LIMK1: variants seen among roughly 807,000 people sequenced by gnomAD.
The protein encoded by LIMK1 is LIM motif-containing protein kinase.
Under a neutral mutation model 77.6 loss-of-function variants are expected in LIMK1, and 21 were observed. The ratio of observed to expected loss-of-function variants is 0.27; its 90% confidence interval spans 0.19 to 0.39. The LOEUF (loss-of-function observed/expected upper bound fraction) is 0.39. LIMK1 is among the 10% of genes least tolerant of loss of function. The pLI, the probability that LIMK1 is intolerant of heterozygous loss-of-function variation, is 1.00. For synonymous variants in LIMK1, 358 were observed against 370.0 expected, an observed-to-expected ratio of 0.97 and a Z score of 0.37; for missense variants, 696 against 901.6, an observed-to-expected ratio of 0.77 and a Z score of 2.92.
chr7:74,109,021 C>A lies in LIMK1; in HGVS notation c.1269C>A (p.Gly423=), dbSNP rs781977153. The change falls in exon 10 of 16, where the codon GGC becomes GGA. Residue 423 remains glycine (G), a synonymous_variant. Coordinates refer to ENST00000336180, the MANE Select transcript of LIMK1 (RefSeq NM_002314.4). ...ACATCAAGGGCGGCACGCTCCGGGG[C>A]ATCATCAAGAGCATGGTGAGTCCTG... ...TEYIKGGTLR[G]IIKSMDSQYP... 6.2e-7 allele frequency: 1 copy of A among 1,613,490 alleles called. No homozygotes were observed. The highest frequency in any genetic ancestry group is 8.5e-7 in the Non-Finnish European group (1 of 1,179,710).
In LIMK1 at chr7:74,106,057, C is replaced by CACAT; in HGVS notation, c.715-19_715-16dup. The CACAT allele has an allele frequency of 6.2e-7, 1 of 1,613,926 alleles. No individual in the cohort carries two copies. The highest frequency in any genetic ancestry group is 8.5e-7 in the Non-Finnish European group (1 of 1,179,904). ...GCCCCCTCCCCACTCCACCCCCATTCACATGCCTGCTGTCCCCAGATTGAC... is the reference window on the plus strand; with the variant it reads ...GCCCCCTCCCCACTCCACCCCCATTCACATACATGCCTGCTGTCCCCAGATTGAC... On this transcript the variant is annotated intron_variant, in intron 6 of 15. Transcript: ENST00000336180.
intron 5 of LIMK1, among the ~76,000 whole-genome samples, chr7:74,102,501 T>TTTTTTTTTTTTTTTTTTTTTTTTTTTTC (rs1799486008): frequency 7.1e-6 from 1 of 140,492 alleles, no homozygotes; most frequent in Non-Finnish European, 1.5e-5. Context: ...TTTTTTTTTT[T>TTTTTTTTTTTTTTTTTTTTTTTTTTTTC]TGGAGACAGG....
chr7:74,116,466 T>C (rs1554699503), intron 13 of LIMK1, among the ~76,000 whole-genome samples: 1 of 151,996 alleles, frequency 6.6e-6, no homozygotes, highest in African/African-American at 2.4e-5. Flanking sequence ...ATCATACAGT[T>C]CTGGAGTCTG....
intron 13 of LIMK1, among the ~76,000 whole-genome samples, chr7:74,119,463 A>G (rs1222160796): frequency 3.2e-4 from 47 of 145,364 alleles, no homozygotes; most frequent in Middle Eastern, 4.2e-3. Context: ...ACAGGTGTGA[A>G]CCACTGTGCC....
rs115921303 is a variant in LIMK1 at position 74,106,105 on chromosome 7, G to A, written c.743G>A (p.Arg248His). Reference sequence around the variant, plus strand: ...GACCTGCTGATTCAGGAAACCAGCCGCCTGCTCCAGCTGACCCTCGAGCAT... The same window carrying A: ...GACCTGCTGATTCAGGAAACCAGCCACCTGCTCCAGCTGACCCTCGAGCAT... Reference protein sequence around the residue: ...EIDLLIQETSRLLQLTLEHDP... With the variant: ...EIDLLIQETSHLLQLTLEHDP... Residue 248 changes from arginine to histidine, a missense_variant, in exon 7 of 16, where the codon CGC (arginine) becomes CAC (histidine). By Grantham distance (29) the Arg-to-His change is conservative. Transcript: ENST00000336180. 1.4e-4 allele frequency: 221 copies of A among 1,614,018 alleles called. No homozygotes were observed. The highest frequency in any genetic ancestry group is 1.1e-3 in the African/African-American group (81 of 75,016).
At chr7:74,118,523 A>G (rs909955344) in intron 13 of LIMK1, among the ~76,000 whole-genome samples, 6 of 151,790 alleles carry the variant, frequency 4.0e-5, no homozygotes, top group African/African-American at 1.5e-4. Context: ...AGGCCGAGGC[A>G]GGTGGATCAT....
intron 2 of LIMK1, among the ~76,000 whole-genome samples, chr7:74,090,191 A>G (rs797041429): frequency 3.9e-5 from 6 of 152,040 alleles, no homozygotes; most frequent in South Asian, 2.1e-4. Flanking sequence ...TCTGGCCAAC[A>G]TGGTGAAACC....
At chr7:74,112,087 C>CAA in intron 12 of LIMK1, 89 bp downstream of exon 12, 2 of 1,064,438 alleles carry the variant, frequency 1.9e-6, no homozygotes, top group Non-Finnish European at 2.8e-6. Flanking sequence ...GAACTGGAGG[C>CAA]CCCTCCATGT....
chr7:74,099,357 C>A (rs1799409428), intron 5 of LIMK1, 119 bp downstream of exon 5: 1 of 977,178 alleles, frequency 1.0e-6, no homozygotes, highest in Non-Finnish European at 1.5e-6. Context: ...ACAGATGGGG[C>A]CCAGTTCTGA....
At chr7:74,109,427 A>G (rs1251150608) in intron 10 of LIMK1, 1 of 271,440 alleles carries the variant, frequency 3.7e-6, no homozygotes, top group African/African-American at 2.2e-5. Flanking sequence ...ATCTTTAGAA[A>G]TAAAGTGCTC....
chr7:74,089,634 A>T (rs1195980284), intron 2 of LIMK1, among the ~76,000 whole-genome samples: 3 of 151,800 alleles, frequency 2.0e-5, no homozygotes, highest in African/African-American at 7.3e-5. Flanking sequence ...TGGTTTGTTG[A>T]CTCTGATGGA....
At chr7:74,096,035 G>T (rs1799331414) in intron 2 of LIMK1, among the ~76,000 whole-genome samples, 4 of 150,458 alleles carry the variant, frequency 2.7e-5, no homozygotes. Flanking sequence ...CACAATTTTG[G>T]CTCACTGCAA....
rs556300527 is a variant in LIMK1 at position 74,118,921 on chromosome 7, G to A, written c.1568-1662G>A. ...TTTGTTTTTTGTTTTTTCTGAGACC[G>A]AGTCTTGCTCTGTCATCCAGGCTAG... On this transcript the variant is annotated intron_variant, in intron 13 of 15. Transcript: ENST00000336180. Among the ~76,000 whole-genome samples, 16 of 152,048 alleles carry A rather than the reference G, an allele frequency of 1.1e-4. 1 individual carries two copies. Among genetic ancestry groups the A allele is most frequent in the African/African-American group, 3.6e-4 (15 of 41,490 alleles).
rs71094754 is a variant in LIMK1, at chr7:74,102,484, C to CTTTTTTTTTT, written c.608+3255_608+3264dup. On this transcript the variant is annotated intron_variant, in intron 5 of 15. Coordinates refer to ENST00000336180, the MANE Select transcript of LIMK1 (RefSeq NM_002314.4). ...GATATTCTCAAAAGAAGGACCTTCT[C>CTTTTTTTTTT]TTTTTTTTTTTTTTTTTTGGAGACA... Among the ~76,000 whole-genome samples, 237 of 54,024 alleles carry CTTTTTTTTTT rather than the reference C, an allele frequency of 4.4e-3. 41 individuals carry two copies. Among genetic ancestry groups the CTTTTTTTTTT allele is most frequent in the East Asian group, 6.3e-3 (8 of 1,260 alleles). 35.4% of individuals were successfully genotyped at this position (54,024 alleles called of 152,430 possible). A position where few individuals can be genotyped will look rare whatever the true frequency, so the allele number is the denominator to read the frequency against.
intron 5 of LIMK1, among the ~76,000 whole-genome samples, chr7:74,102,482 C>CTTTTTTTTTTTTTTTTTTTTTTTTT (rs782517343): frequency 3.9e-5 from 1 of 25,678 alleles, no homozygotes; most frequent in Non-Finnish European, 1.2e-4. Context: ...GAAGGACCTT[C>CTTTTTTTTTTTTTTTTTTTTTTTTT]TCTTTTTTTT....
At chr7:74,120,450 A>G (rs926830523) in intron 13 of LIMK1, 133 bp from the exon 14 acceptor site, 2 of 858,990 alleles carry the variant, frequency 2.3e-6, no homozygotes, top group East Asian at 2.4e-5. Flanking sequence ...GTTCCCATAG[A>G]GGTTGCCGGC....
At chr7:74,096,937 C>A in intron 3 of LIMK1, 143 bp from the exon 4 acceptor site, 1 of 1,050,018 alleles carries the variant, frequency 9.5e-7, no homozygotes, top group Non-Finnish European at 1.4e-6. Context: ...ATGGAGCCAG[C>A]TCTGTCCAGG....
chr7:74,098,708 G>A (rs1281760722), intron 4 of LIMK1, among the ~76,000 whole-genome samples: 1 of 117,308 alleles, frequency 8.5e-6, no homozygotes, highest in African/African-American at 2.8e-5. Context: ...GCCAGGCATG[G>A]TGGTGCGTGC....
intron 5 of LIMK1, among the ~76,000 whole-genome samples, chr7:74,104,892 C>T (rs1381201115): frequency 6.6e-6 from 1 of 152,078 alleles, no homozygotes; most frequent in Non-Finnish European, 1.5e-5. Flanking sequence ...CTTTTTGGGA[C>T]CCAAGGCACT....
Sources: gnomAD v4.1 joint callset for allele counts (sites outside exome capture counted in the v4.1 genomes callset) on GRCh38, gnomAD v4.1.1 for gene constraint, MANE v1.5 for transcripts, NCBI Gene and HGNC (gene_info 2026-07-23, HGNC 2026-07-21) for gene names.